SH3PXD2A: variants seen among roughly 807,000 people sequenced by gnomAD.
SH3PXD2A encodes the protein SH3 and PX domain-containing protein 2A.
Under a neutral mutation model 115.2 loss-of-function variants are expected in SH3PXD2A, and 32 were observed. That is an observed-to-expected ratio of 0.28 (90% CI 0.21 to 0.37). The LOEUF (loss-of-function observed/expected upper bound fraction) is 0.37, where lower values mean the gene tolerates loss of function less well. Ranked by LOEUF, SH3PXD2A falls within the 10% of genes least tolerant of loss-of-function variation. The pLI is 1.00. For synonymous variants in SH3PXD2A, 610 were observed against 629.1 expected, an observed-to-expected ratio of 0.97 and a Z score of 0.45; for missense variants, 1,328 against 1,498.7, an observed-to-expected ratio of 0.89 and a Z score of 1.88.
chr10:103,660,499 C>G (rs1394398611), intron 8 of SH3PXD2A, among the ~76,000 whole-genome samples: 1 of 152,138 alleles, frequency 6.6e-6, no homozygotes, highest in African/African-American at 2.4e-5. Context: ...AGACCCCAAC[C>G]AACGCCCGCA....
rs1321580193 is a variant in SH3PXD2A at position 103,794,671 on chromosome 10, G to A, written c.153+6611C>T. Among the ~76,000 whole-genome samples, 6 of 152,316 alleles carry A rather than the reference G, an allele frequency of 3.9e-5. No homozygotes were observed. In the South Asian group the frequency reaches 1.0e-3, roughly 26 times the overall value. On this transcript the variant is annotated intron_variant, in intron 2 of 14. Transcript: ENST00000369774. ...GGCCCTTAATCACCAAATGGGCCTC[G>A]ACGTTAGGCCCTGTCCTGGTCAGCT...
intron 1 of SH3PXD2A, among the ~76,000 whole-genome samples, chr10:103,842,653 G>A (rs10786771): frequency 6.6e-6 from 1 of 152,098 alleles, no homozygotes; most frequent in African/African-American, 2.4e-5. Context: ...TCGTCTTTCC[G>A]TCTTTCCGCA....
chr10:103,625,906 A>G (rs2036684586), intron 9 of SH3PXD2A, among the ~76,000 whole-genome samples: 2 of 152,242 alleles, frequency 1.3e-5, no homozygotes, highest in African/African-American at 4.8e-5. Flanking sequence ...AACAACAAAA[A>G]GAATGTGGAA....
At chr10:103,854,755 G>A (rs1842924889) in intron 1 of SH3PXD2A, among the ~76,000 whole-genome samples, 2 of 152,162 alleles carry the variant, frequency 1.3e-5, no homozygotes, top group African/African-American at 2.4e-5. Flanking sequence ...CAGAGCTGGC[G>A]TGGGAGGCAG....
intron 3 of SH3PXD2A, among the ~76,000 whole-genome samples, chr10:103,737,921 G>A (rs2038398177): frequency 6.6e-6 from 1 of 152,232 alleles, no homozygotes; most frequent in Non-Finnish European, 1.5e-5. Flanking sequence ...CCTATTGCAT[G>A]TGACCTGCTT....
At chr10:103,615,489 T>TGTGG (rs1489904588) in intron 11 of SH3PXD2A, among the ~76,000 whole-genome samples, 1 of 56,934 alleles carries the variant, frequency 1.8e-5, no homozygotes, top group African/African-American at 8.5e-5. Flanking sequence ...CGAGGGTGTG[T>TGTGG]GTGTGTGTGT....
intron 7 of SH3PXD2A, among the ~76,000 whole-genome samples, chr10:103,667,280 A>G (rs2037395695): frequency 1.3e-5 from 2 of 152,082 alleles, no homozygotes; most frequent in South Asian, 4.1e-4. Context: ...CAGAGCTAGT[A>G]AGGCCCTGTG....
intron 8 of SH3PXD2A, among the ~76,000 whole-genome samples, chr10:103,653,091 G>C (rs1238626315): frequency 6.6e-6 from 1 of 152,076 alleles, no homozygotes; most frequent in Non-Finnish European, 1.5e-5. Context: ...TCTCCACAGC[G>C]CCTGCTTGTT....
chr10:103,786,192 T>C (rs1240024209), intron 2 of SH3PXD2A, among the ~76,000 whole-genome samples: 1 of 152,148 alleles, frequency 6.6e-6, no homozygotes, highest in African/African-American at 2.4e-5. Context: ...CCTCTCCTCT[T>C]CGAGGTGTGG....
intron 14 of SH3PXD2A, among the ~76,000 whole-genome samples, chr10:103,604,399 A>G (rs951176841): frequency 3.3e-5 from 5 of 152,228 alleles, no homozygotes; most frequent in Non-Finnish European, 7.3e-5. Context: ...GGTTTCCTGT[A>G]GGAAGGGCAG....
intron 3 of SH3PXD2A, among the ~76,000 whole-genome samples, chr10:103,760,895 T>C (rs2038693509): frequency 1.3e-5 from 2 of 152,204 alleles, no homozygotes; most frequent in African/African-American, 4.8e-5. Context: ...AAAAGTTCCT[T>C]GCTTTGCAAC....
intron 6 of SH3PXD2A, chr10:103,678,043 G>A: frequency 9.1e-7 from 1 of 1,093,164 alleles, no homozygotes; most frequent in African/African-American, 1.6e-5. Flanking sequence ...CCCAGCATCT[G>A]CTTTAATGCC....
At chr10:103,697,098 G>T (rs1376295621) in intron 5 of SH3PXD2A, among the ~76,000 whole-genome samples, 1 of 152,266 alleles carries the variant, frequency 6.6e-6, no homozygotes, top group Non-Finnish European at 1.5e-5. Flanking sequence ...AGCAGGTTCT[G>T]GAGACGGAGG....
At chr10:103,843,524 G>C (rs1417401098) in intron 1 of SH3PXD2A, among the ~76,000 whole-genome samples, 1 of 152,158 alleles carries the variant, frequency 6.6e-6, no homozygotes, top group Non-Finnish European at 1.5e-5. Context: ...GAGTTCAAGG[G>C]GAATACAAAT....
chr10:103,692,027 G>A (rs2037758466), intron 6 of SH3PXD2A, among the ~76,000 whole-genome samples: 1 of 152,184 alleles, frequency 6.6e-6, no homozygotes, highest in Non-Finnish European at 1.5e-5. Context: ...GGGCACAGGA[G>A]CCATTCACAG....
chr10:103,698,791 G>T (rs1461467674), intron 5 of SH3PXD2A, among the ~76,000 whole-genome samples: 1 of 152,080 alleles, frequency 6.6e-6, no homozygotes, highest in South Asian at 2.1e-4. Context: ...TACAGGAGGG[G>T]TTACACTCAG....
chr10:103,692,366 C>G (rs908828729), intron 6 of SH3PXD2A, among the ~76,000 whole-genome samples: 6 of 143,652 alleles, frequency 4.2e-5, no homozygotes, highest in Admixed American at 1.4e-4. Context: ...GCCCTGGCAC[C>G]TGTCAGGCCA....
chr10:103,673,975 T>A (rs2037496758), intron 6 of SH3PXD2A, among the ~76,000 whole-genome samples: 1 of 152,204 alleles, frequency 6.6e-6, no homozygotes, highest in African/African-American at 2.4e-5. Flanking sequence ...TGCCCTTCCA[T>A]CCTTCAGTAT....
chr10:103,821,227 C>G (rs1298175312), intron 1 of SH3PXD2A, among the ~76,000 whole-genome samples: 4 of 150,888 alleles, frequency 2.7e-5, no homozygotes, highest in Non-Finnish European at 5.9e-5. Flanking sequence ...ACTGCAACCT[C>G]CACCTCCTGG....
Sources: gnomAD v4.1 joint callset for allele counts (sites outside exome capture counted in the v4.1 genomes callset) on GRCh38, gnomAD v4.1.1 for gene constraint, MANE v1.5 for transcripts, NCBI Gene and HGNC (gene_info 2026-07-23, HGNC 2026-07-21) for gene names.